Variants in FAAH2 observed in about 807,000 individuals in gnomAD.
FAAH2 encodes fatty-acid amide hydrolase 2.
Under a neutral mutation model 36.9 loss-of-function variants are expected in FAAH2, and 60 were observed. That is an observed-to-expected ratio of 1.63 (90% confidence interval 1.32 to 2.02). FAAH2 has a LOEUF of 2.02. Ranked by LOEUF, FAAH2 falls within the 30% of genes most tolerant of loss-of-function variation. The probability of loss-of-function intolerance (pLI) is 0.00; values close to 1 mark genes in which losing one functional copy is unlikely to be tolerated. For missense variants in FAAH2, 689 were observed against 397.5 expected, an observed-to-expected ratio of 1.73 and a Z score of -6.23; for synonymous variants, 214 against 143.8, an observed-to-expected ratio of 1.49 and a Z score of -3.49.
chrX:57,402,033 A>T (rs1347531863), intron 7 of FAAH2, among the ~76,000 whole-genome samples: 2 of 111,143 alleles, frequency 1.8e-5, no homozygotes, highest in African/African-American at 3.3e-5. Context: ...GGGACAGGAG[A>T]GTAAGACTGA....
the FAAH2 span, among the ~76,000 whole-genome samples, chrX:57,227,220 G>T: frequency 1.8e-5 from 2 of 110,684 alleles, no homozygotes; most frequent in Admixed American, 1.9e-4. Flanking sequence ...GTGTTGAGGA[G>T]CCTTGTTTTG....
At chrX:57,317,625 A>G (rs1455256467) in intron 3 of FAAH2, among the ~76,000 whole-genome samples, 3 of 111,699 alleles carry the variant, frequency 2.7e-5, no homozygotes, top group African/African-American at 3.3e-5. Context: ...AAAATTAACA[A>G]GAATATTTAG....
the FAAH2 span, among the ~76,000 whole-genome samples, chrX:57,150,418 G>T: frequency 8.9e-6 from 1 of 111,816 alleles, no homozygotes. Flanking sequence ...GGTCACTAAG[G>T]ACTTGCTTTA....
the FAAH2 span, among the ~76,000 whole-genome samples, chrX:57,270,587 A>G: frequency 9.0e-6 from 1 of 111,678 alleles, no homozygotes; most frequent in Admixed American, 9.5e-5. Flanking sequence ...TCCCAGCGAG[A>G]TCGATGCAGA....
At chrX:57,365,116 G>A (rs912955548) in intron 5 of FAAH2, among the ~76,000 whole-genome samples, 2 of 111,277 alleles carry the variant, frequency 1.8e-5, no homozygotes, top group African/African-American at 3.3e-5. Context: ...TTGATTATCT[G>A]TGTAACTTGT....
intron 8 of FAAH2, among the ~76,000 whole-genome samples, chrX:57,441,590 T>C (rs190275984): frequency 9.0e-6 from 1 of 110,747 alleles, no homozygotes; most frequent in Non-Finnish European, 1.9e-5. Context: ...CGTTTTTTTT[T>C]TGTGTGTGTC....
At chrX:57,160,005 A>T in the FAAH2 span, among the ~76,000 whole-genome samples, 2 of 112,062 alleles carry the variant, frequency 1.8e-5, no homozygotes, top group African/African-American at 6.5e-5. Flanking sequence ...ATTTTGAGAT[A>T]CGTCCCATCA....
intron 10 of FAAH2, among the ~76,000 whole-genome samples, chrX:57,470,826 C>T (rs992298239): frequency 3.6e-5 from 4 of 111,618 alleles, no homozygotes; most frequent in African/African-American, 1.3e-4. Context: ...CCCTGATGAA[C>T]ATTGATGCAA....
chrX:57,290,975 G>A (rs145776126), intron 1 of FAAH2, among the ~76,000 whole-genome samples: 1 of 111,761 alleles, frequency 8.9e-6, no homozygotes, highest in Non-Finnish European at 1.9e-5. Flanking sequence ...AATATTTCTG[G>A]ATATGATAAT....
intron 1 of FAAH2, among the ~76,000 whole-genome samples, chrX:57,291,553 T>A (rs1472053883): frequency 8.9e-6 from 1 of 112,129 alleles, no homozygotes; most frequent in East Asian, 2.8e-4. Flanking sequence ...GGGAATTCAG[T>A]CCTTCACACT....
the FAAH2 span, among the ~76,000 whole-genome samples, chrX:57,196,769 A>T: frequency 7.2e-5 from 8 of 111,433 alleles, no homozygotes; most frequent in African/African-American, 1.3e-4. Context: ...TCATTAAAAA[A>T]ATTTGGGTAC....
chrX:57,484,275 C>T (rs754890204), intron 10 of FAAH2, among the ~76,000 whole-genome samples: 10 of 110,968 alleles, frequency 9.0e-5, no homozygotes, highest in Non-Finnish European at 1.9e-4. Flanking sequence ...TTAACTGTGG[C>T]TGGGGAGACA....
chrX:57,178,283 A>T, the FAAH2 span, among the ~76,000 whole-genome samples: 6 of 112,364 alleles, frequency 5.3e-5, no homozygotes, highest in African/African-American at 1.9e-4. Flanking sequence ...AGCCAGAATG[A>T]TGCAGACAAT....
chrX:57,486,552 C>T (rs190515426), intron 10 of FAAH2, among the ~76,000 whole-genome samples: 94 of 111,987 alleles, frequency 8.4e-4, no homozygotes, highest in Non-Finnish European at 1.4e-3. Flanking sequence ...AATCCATGTG[C>T]TCATCATTGT....
At chrX:57,194,330 A>G in the FAAH2 span, among the ~76,000 whole-genome samples, 1 of 111,297 alleles carries the variant, frequency 9.0e-6, no homozygotes, top group Non-Finnish European at 1.9e-5. Context: ...ATAGTATCCA[A>G]TCATGATCCT....
chrX:57,377,074 G>A (rs1167847732), intron 5 of FAAH2, among the ~76,000 whole-genome samples: 1 of 112,274 alleles, frequency 8.9e-6, no homozygotes, highest in Non-Finnish European at 1.9e-5. Flanking sequence ...TGGATAGATT[G>A]CAAAAATGTT....
chrX:57,357,935 C>T (rs1180426840), intron 5 of FAAH2, among the ~76,000 whole-genome samples: 2 of 111,108 alleles, frequency 1.8e-5, no homozygotes, highest in Non-Finnish European at 3.8e-5. Flanking sequence ...GGAACCAGCC[C>T]AAATGCCCAT....
intron 5 of FAAH2, among the ~76,000 whole-genome samples, chrX:57,366,307 G>A (rs2054413164): frequency 8.9e-6 from 1 of 111,791 alleles, no homozygotes; most frequent in African/African-American, 3.3e-5. Context: ...TGCTTTCAGG[G>A]GCTAAGACTC....
At chrX:57,435,825 G>T (rs750501993) in intron 8 of FAAH2, among the ~76,000 whole-genome samples, 6 of 110,859 alleles carry the variant, frequency 5.4e-5, no homozygotes, top group Non-Finnish European at 1.1e-4. Flanking sequence ...AACTTATTTG[G>T]ACTTTAGGTG....
Sources: gnomAD v4.1 joint callset for allele counts (sites outside exome capture counted in the v4.1 genomes callset) on GRCh38, gnomAD v4.1.1 for gene constraint, MANE v1.5 for transcripts, NCBI Gene and HGNC (gene_info 2026-07-23, HGNC 2026-07-21) for gene names.